Variants in ATF7 observed in about 807,000 individuals in gnomAD.
ATF7 encodes the protein activating transcription factor 7, also known as cyclic AMP-dependent transcription factor ATF-7.
In ATF7, 10 loss-of-function variants were observed where a neutral mutation model predicts 50.4. That is an observed-to-expected ratio of 0.20 (90% CI 0.12 to 0.34). The LOEUF is 0.34. ATF7 is among the 10% of genes least tolerant of loss of function. The pLI is 1.00. For synonymous variants in ATF7, 201 were observed against 226.4 expected (o/e 0.89, Z 1.01); for missense variants, 465 against 613.9 (o/e 0.76, Z 2.56).
chr12:53,625,132 G>A (rs1944552695), intron 1 of ATF7, among the ~76,000 whole-genome samples: 1 of 152,158 alleles, frequency 6.6e-6, no homozygotes, highest in African/African-American at 2.4e-5. Flanking sequence ...GCGGGAATCT[G>A]GGTAGGAGGT....
chr12:53,578,305 T>C (rs1435486097), intron 2 of ATF7, among the ~76,000 whole-genome samples: 5 of 145,926 alleles, frequency 3.4e-5, no homozygotes, highest in African/African-American at 1.3e-4. Context: ...GCCCAGGAGG[T>C]TGAGGTGAGC....
At chr12:53,568,431 C>G (rs562217520) in intron 2 of ATF7, among the ~76,000 whole-genome samples, 6 of 152,138 alleles carry the variant, frequency 3.9e-5, no homozygotes, top group Non-Finnish European at 8.8e-5. Context: ...CTCTCTCCTT[C>G]CCTCACTTTA....
At chr12:53,611,421 C>T (rs964942941) in intron 1 of ATF7, among the ~76,000 whole-genome samples, 8 of 151,998 alleles carry the variant, frequency 5.3e-5, no homozygotes, top group Admixed American at 5.2e-4. Context: ...CCACTGCACT[C>T]CAGCCTGGTG....
At chr12:53,537,129 G>C (rs1939270524) in intron 5 of ATF7, among the ~76,000 whole-genome samples, 1 of 151,368 alleles carries the variant, frequency 6.6e-6, no homozygotes, top group Non-Finnish European at 1.5e-5. Context: ...GGGTGCAGTG[G>C]AGCAATCACA....
intron 9 of ATF7, among the ~76,000 whole-genome samples, chr12:53,527,534 C>T (rs951080771): frequency 6.6e-6 from 1 of 152,004 alleles, no homozygotes; most frequent in African/African-American, 2.4e-5. Context: ...CCTGTAATCC[C>T]AACACTTTGG....
intron 11 of ATF7, among the ~76,000 whole-genome samples, chr12:53,517,879 T>C (rs537565228): frequency 6.6e-6 from 1 of 152,320 alleles, no homozygotes; most frequent in African/African-American, 2.4e-5. Flanking sequence ...TTATTTTTTT[T>C]CCTAAGACTG....
chr12:53,528,633 G>GA (rs1401753408), intron 9 of ATF7, among the ~76,000 whole-genome samples: 1 of 152,016 alleles, frequency 6.6e-6, no homozygotes, highest in Non-Finnish European at 1.5e-5. Flanking sequence ...CATGATAGTG[G>GA]TTGCCTGTAA....
chr12:53,533,317 C>T lies in ATF7; in HGVS notation c.561-58G>A, dbSNP rs987028957. Reference sequence around the variant, plus strand: ...ACAGACCTTTTGTCCATGGATCTTCCTCTTATAATTACAGAAGATTTTCCA... The same window carrying T: ...ACAGACCTTTTGTCCATGGATCTTCTTCTTATAATTACAGAAGATTTTCCA... On this transcript the variant is annotated intron_variant, in intron 6 of 11. Transcript: ENST00000420353. The T allele has an allele frequency of 5.0e-6, 7 of 1,398,070 alleles. No homozygotes were observed. In the African/African-American group the frequency reaches 1.0e-4, roughly 20 times the overall value. 86.6% of individuals were successfully genotyped at this position (1,398,070 alleles called of 1,614,324 possible).
chr12:53,537,770 T>C (rs1044552017), intron 4 of ATF7, among the ~76,000 whole-genome samples: 7 of 152,084 alleles, frequency 4.6e-5, no homozygotes, highest in African/African-American at 1.7e-4. Flanking sequence ...TAGAGTGCAA[T>C]GGTGTGATCT....
chr12:53,587,843 A>ATATATATATATT, intron 2 of ATF7, among the ~76,000 whole-genome samples: 97 of 61,524 alleles, frequency 1.6e-3, no homozygotes, highest in Non-Finnish European at 2.5e-3. Context: ...ATATATATAT[A>ATATATATATATT]TTTTTTTTTT....
intron 4 of ATF7, among the ~76,000 whole-genome samples, chr12:53,541,483 T>G (rs1321024087): frequency 6.6e-6 from 1 of 152,156 alleles, no homozygotes; most frequent in Non-Finnish European, 1.5e-5. Flanking sequence ...CCCAAGCCCC[T>G]TATTCCATGG....
intron 1 of ATF7, among the ~76,000 whole-genome samples, chr12:53,609,821 CTTT>C (rs757421100): frequency 8.6e-6 from 1 of 115,958 alleles, no homozygotes. Context: ...AAATGTTATG[CTTT>C]TTTTTTTTTT....
At chr12:53,562,836 T>C (rs1423956371) in intron 2 of ATF7, among the ~76,000 whole-genome samples, 1 of 151,946 alleles carries the variant, frequency 6.6e-6, no homozygotes, top group Non-Finnish European at 1.5e-5. Context: ...ATTTCAAAAA[T>C]TGTAACCACA....
At chr12:53,604,566 G>C (rs1261933826) in intron 1 of ATF7, among the ~76,000 whole-genome samples, 1 of 152,082 alleles carries the variant, frequency 6.6e-6, no homozygotes, top group East Asian at 1.9e-4. Flanking sequence ...AATTTAATAA[G>C]AAAAAAGAAT....
intron 2 of ATF7, among the ~76,000 whole-genome samples, chr12:53,583,879 G>C (rs976975717): frequency 6.6e-6 from 1 of 152,076 alleles, no homozygotes; most frequent in Non-Finnish European, 1.5e-5. Flanking sequence ...TTAAAAAATG[G>C]GCAACGGACT....
rs1484165251 is a variant in ATF7 at position 53,524,369 on chromosome 12, G to C, written c.1125+195C>G. On this transcript the variant is annotated intron_variant, in intron 10 of 11. Coordinates refer to ENST00000420353, the MANE Select transcript of ATF7 (RefSeq NM_006856.3). This position sits in a 1 kb window ranked among gnomAD's most constrained non-coding sequence, Gnocchi z 4.6. Reference sequence around the variant, plus strand: ...GGATGACTCTAATAGGAGATTTGGGGGTAGATGGTGAGTGTCTTCACCAAT... The same window carrying C: ...GGATGACTCTAATAGGAGATTTGGGCGTAGATGGTGAGTGTCTTCACCAAT... 6.6e-6 allele frequency among the ~76,000 whole-genome samples: 1 copy of C among 152,212 alleles called. No homozygotes were observed. Among genetic ancestry groups the C allele is most frequent in the East Asian group, 1.9e-4 (1 of 5,182 alleles).
chr12:53,543,503 T>C, intron 3 of ATF7, 55 bp from the exon 4 acceptor site: 3 of 1,448,538 alleles, frequency 2.1e-6, no homozygotes, highest in Non-Finnish European at 2.8e-6. Flanking sequence ...AATTAAAACT[T>C]GATATTAAAT....
At chr12:53,565,428 T>C (rs960198659) in intron 2 of ATF7, among the ~76,000 whole-genome samples, 5 of 135,306 alleles carry the variant, frequency 3.7e-5, no homozygotes, top group Non-Finnish European at 6.0e-5. Flanking sequence ...CTAAACACCA[T>C]AGTCAAGCAG....
chr12:53,553,263 C>T (rs748063153), intron 2 of ATF7, among the ~76,000 whole-genome samples: 1 of 152,166 alleles, frequency 6.6e-6, no homozygotes, highest in African/African-American at 2.4e-5. Context: ...CCAGCCCCAT[C>T]GGCCAAATGC....
Sources: gnomAD v4.1 joint callset for allele counts (sites outside exome capture counted in the v4.1 genomes callset) on GRCh38, gnomAD v4.1.1 for gene constraint, Gnocchi (gnomAD v3.1) non-coding constraint, MANE v1.5 for transcripts, NCBI Gene and HGNC (gene_info 2026-07-23, HGNC 2026-07-21) for gene names.